The following SPTLC1 variants were observed in gnomAD, a reference collection of about 807,000 sequenced individuals.
SPTLC1 encodes serine palmitoyltransferase 1.
A neutral mutation model predicts 68.9 loss-of-function variants in SPTLC1; 55 were observed. The observed-to-expected ratio is 0.80, with a 90% CI of 0.64 to 1.00. SPTLC1 has a LOEUF of 1.00. Among genes scored for constraint, SPTLC1 ranks in the 50% least tolerant of loss-of-function variants. The pLI is 0.00. For missense variants in SPTLC1, 449 were observed against 573.1 expected (o/e 0.78, Z 2.21); for synonymous variants, 197 against 201.6 (o/e 0.98, Z 0.19).
intron 3 of SPTLC1, chr9:92,105,431 C>A: frequency 7.0e-7 from 1 of 1,428,282 alleles, no homozygotes. Context: ...GCAGGGCAGG[C>A]GTGGTGGCCC....
At position 92,032,318 on chromosome 9, in the gene SPTLC1, C is replaced by A. The variant is rs544879549; in HGVS notation, c.*147G>T. The A allele has an allele frequency of 1.9e-6, 3 of 1,546,986 alleles. No homozygotes were observed. Among genetic ancestry groups the A allele is most frequent in the South Asian group, 2.3e-5 (2 of 85,302 alleles). The stretch of plus-strand genomic sequence containing the variant: ...AATAAGCATCCTTCTCATGGTCACA[C>A]AATTGGTCCATACTGACACCATTTG... On this transcript the variant is annotated 3_prime_UTR_variant, in exon 15 of 15. Transcript: ENST00000262554.
intron 3 of SPTLC1, among the ~76,000 whole-genome samples, chr9:92,083,714 G>C (rs1208621725): frequency 6.6e-6 from 1 of 152,034 alleles, no homozygotes; most frequent in Non-Finnish European, 1.5e-5. Flanking sequence ...GGATTGACTT[G>C]GCGATGTGGG....
intron 5 of SPTLC1, chr9:92,070,091 G>A (rs990031892): frequency 5.3e-5 from 8 of 152,202 alleles, no homozygotes; most frequent in African/African-American, 1.9e-4. Flanking sequence ...TAAGTGGGAA[G>A]AAGAATCTCT....
At chr9:92,050,121 T>C (rs1833657588) in intron 8 of SPTLC1, 54 bp from the exon 9 acceptor site, 2 of 1,136,484 alleles carry the variant, frequency 1.8e-6, no homozygotes, top group Non-Finnish European at 1.3e-6. Flanking sequence ...ATAGAACATA[T>C]TATGGAGAAA....
intron 5 of SPTLC1, among the ~76,000 whole-genome samples, chr9:92,077,924 T>C (rs10820937): frequency 0.33 from 49,912 of 151,870 alleles, 11,753 homozygotes; most frequent in African/African-American, 0.66. Context: ...TACCCCTCCA[T>C]CTAATTATCT....
At chr9:92,106,823 C>G (rs913398666) in intron 3 of SPTLC1, among the ~76,000 whole-genome samples, 4 of 152,186 alleles carry the variant, frequency 2.6e-5, no homozygotes, top group African/African-American at 9.7e-5. Context: ...ACCCATGCCC[C>G]ACACATCCTA....
At chr9:92,057,530 G>C (rs897125824) in intron 7 of SPTLC1, among the ~76,000 whole-genome samples, 1 of 152,168 alleles carries the variant, frequency 6.6e-6, no homozygotes, top group East Asian at 1.9e-4. Context: ...TAATTTAACA[G>C]GCAAAACTCC....
At position 92,031,364 on chromosome 9, in the gene SPTLC1, T is replaced by G. The variant is rs1342094066; in HGVS notation, c.*1101A>C. 1.3e-5 allele frequency: 2 copies of G among 152,590 alleles called. No homozygotes were observed. The highest frequency in any genetic ancestry group is 2.9e-5 in the Non-Finnish European group (2 of 68,018). 9.5% of individuals were successfully genotyped at this position (152,590 alleles called of 1,614,324 possible). On this transcript the variant is annotated 3_prime_UTR_variant, in exon 15 of 15. Transcript: ENST00000262554. ...AGCACAGGTTATAAAAATCACAATT[T>G]TATTCTTCTACCTTTAACAAGAGAA...
Position 92,074,662 on chromosome 9 carries a change from G to A in SPTLC1, c.427+5354C>T, listed in dbSNP as rs1468709845. On this transcript the variant is annotated intron_variant, in intron 5 of 14. Transcript: ENST00000262554. ...AGCCTGTTATTACCTGTCTACTACA[G>A]CATGGCCTCTTAGTCCCTACCAACT... Among the ~76,000 whole-genome samples the A allele has an allele frequency of 2.0e-5, 3 of 151,984 alleles. 1 individual carries two copies. Among genetic ancestry groups the A allele is most frequent in the East Asian group, 3.9e-4 (2 of 5,182 alleles).
rs761161994 is a variant in SPTLC1, at chr9:92,047,578, T to C, written c.984+35A>G. 56 of 1,411,242 alleles carry C rather than the reference T, an allele frequency of 4.0e-5. 1 individual carries two copies. The Admixed American group carries it at 9.3e-4, about 23-fold the overall frequency. The allele number at this position is 1,411,242 out of a possible 1,614,324, so 87.4% of individuals were successfully genotyped here. The stretch of plus-strand genomic sequence containing the variant: ...TGAGGTGACCAATGGAGAAATTAGT[T>C]TCAGTTTTAGCTCCTGTTTTTAAAA... On this transcript the variant is annotated intron_variant, in intron 10 of 14. Coordinates refer to ENST00000262554, the MANE Select transcript of SPTLC1 (RefSeq NM_006415.4).
intron 3 of SPTLC1, among the ~76,000 whole-genome samples, chr9:92,089,466 T>C (rs1233564513): frequency 3.3e-5 from 5 of 151,938 alleles, no homozygotes; most frequent in African/African-American, 4.8e-5. Flanking sequence ...CAAATATAAC[T>C]TCCAGAAATA....
intron 6 of SPTLC1, among the ~76,000 whole-genome samples, chr9:92,061,206 T>C (rs556407152): frequency 2.9e-4 from 44 of 152,268 alleles, no homozygotes; most frequent in African/African-American, 9.1e-4. Flanking sequence ...AGGCACATCA[T>C]AGATGACTTC....
chr9:92,097,082 A>G (rs1379894576), intron 3 of SPTLC1, among the ~76,000 whole-genome samples: 4 of 152,372 alleles, frequency 2.6e-5, no homozygotes, highest in Admixed American at 1.3e-4. Context: ...GCTCAACATC[A>G]TTAGTTATCT....
At chr9:92,108,649 A>G in intron 3 of SPTLC1, 91 bp downstream of exon 3, 2 of 1,572,396 alleles carry the variant, frequency 1.3e-6, no homozygotes, top group Non-Finnish European at 8.7e-7. Context: ...TGTTTCAGAT[A>G]AAAAAAGGAC....
chr9:92,101,561 CAAA>C (rs61125464), intron 3 of SPTLC1, among the ~76,000 whole-genome samples: 42 of 45,944 alleles, frequency 9.1e-4, no homozygotes, highest in Middle Eastern at 0.016. Context: ...GACTCCGTCT[CAAA>C]AAAAAAAAAA....
At chr9:92,104,826 G>A in intron 3 of SPTLC1, 1 of 1,529,936 alleles carries the variant, frequency 6.5e-7, no homozygotes, top group Non-Finnish European at 8.7e-7. Flanking sequence ...CCCTTGGAGG[G>A]AAATGTCCAC....
chr9:92,055,301 G>A (rs1214103504), intron 8 of SPTLC1, 104 bp downstream of exon 8: 2 of 1,562,706 alleles, frequency 1.3e-6, no homozygotes, highest in Non-Finnish European at 1.7e-6. Context: ...GAGGCCTAAT[G>A]CGCAAAGCAA....
Position 92,047,222 on chromosome 9 carries a change from A to G in SPTLC1, c.1031T>C (p.Leu344Pro). 6.2e-7 allele frequency: 1 copy of G among 1,614,120 alleles called. No individual in the cohort carries two copies. Among genetic ancestry groups the G allele is most frequent in the Non-Finnish European group, 8.5e-7 (1 of 1,179,976 alleles). ...GGCCTCAATTGCTGCAGCAGCTAAC[A>G]GGGGAGGTAACGAAGCTGAAAAGCA... The part of the protein sequence containing the change: ...GYCFSASLPP[L>P]LAAAAIEALN... Residue 344 changes from leucine to proline, a missense_variant, in exon 11 of 15, where the codon CTG (leucine) becomes CCG (proline). Physicochemically the swap from Leu to Pro is moderately conservative, Grantham distance 98. This residue lies in a region of SPTLC1 where 391 missense variants were observed against 472.1 expected (regional missense o/e 0.83). Coordinates refer to ENST00000262554, the MANE Select transcript of SPTLC1 (RefSeq NM_006415.4).
At chr9:92,099,424 TG>T (rs1835662708) in intron 3 of SPTLC1, among the ~76,000 whole-genome samples, 1 of 151,896 alleles carries the variant, frequency 6.6e-6, no homozygotes, top group African/African-American at 2.4e-5. Flanking sequence ...ATTGACAAAA[TG>T]GACCACATAT....
Sources: gnomAD v4.1 joint callset for allele counts (sites outside exome capture counted in the v4.1 genomes callset) on GRCh38, gnomAD v4.1.1 for gene constraint, gnomAD v4.1.1 regional missense constraint, MANE v1.5 for transcripts, NCBI Gene and HGNC (gene_info 2026-07-23, HGNC 2026-07-21) for gene names.